SLC24A4: variants seen among roughly 807,000 people sequenced by gnomAD.
The protein encoded by SLC24A4 is sodium/potassium/calcium exchanger 4.
In SLC24A4, 53 loss-of-function variants were observed where a neutral mutation model predicts 79.0. The observed-to-expected ratio is 0.67, with a 90% CI of 0.54 to 0.84. The LOEUF is 0.84. Among genes scored for constraint, SLC24A4 ranks in the 40% least tolerant of loss-of-function variants. SLC24A4 has a pLI of 0.00. For missense variants in SLC24A4, 731 were observed against 822.0 expected (o/e 0.89, Z 1.35); for synonymous variants, 323 against 323.8 (o/e 1.00, Z 0.03).
At chr14:92,453,872 G>A in intron 10 of SLC24A4, 28 bp from the exon 11 acceptor site, 1 of 1,589,482 alleles carries the variant, frequency 6.3e-7, no homozygotes, top group Non-Finnish European at 8.6e-7. Flanking sequence ...AGAGAGATCA[G>A]CACTAATCAC....
chr14:92,491,881 G>A, intron 15 of SLC24A4, 104 bp downstream of exon 15: 4 of 875,112 alleles, frequency 4.6e-6, no homozygotes, highest in Non-Finnish European at 1.9e-6. Context: ...CCTCTCCTTG[G>A]CACTCAGACA....
intron 16 of SLC24A4, among the ~76,000 whole-genome samples, 188 bp from the exon 17 acceptor site, chr14:92,493,288 A>G (rs190615591): frequency 6.6e-6 from 1 of 152,132 alleles, no homozygotes; most frequent in African/African-American, 2.4e-5. Context: ...TCGCCCTTTC[A>G]TGGGGCAAGT....
intron 2 of SLC24A4, among the ~76,000 whole-genome samples, chr14:92,416,118 G>GTATT: frequency 7.7e-6 from 1 of 130,016 alleles, no homozygotes; most frequent in South Asian, 2.9e-4. Flanking sequence ...GTATTTGTGT[G>GTATT]TGTGGTGTGT....
chr14:92,355,429 A>G (rs1011658043), intron 2 of SLC24A4, among the ~76,000 whole-genome samples: 1 of 152,232 alleles, frequency 6.6e-6, no homozygotes, highest in Non-Finnish European at 1.5e-5. Context: ...ACTCTCAGGT[A>G]GACGCCAAGG....
At chr14:92,377,975 G>A (rs973981729) in intron 2 of SLC24A4, among the ~76,000 whole-genome samples, 1 of 152,018 alleles carries the variant, frequency 6.6e-6, no homozygotes, top group African/African-American at 2.4e-5. Context: ...GGGGTGGGAG[G>A]AGAGATGAGG....
intron 4 of SLC24A4, among the ~76,000 whole-genome samples, chr14:92,440,726 A>T (rs1419724990): frequency 6.6e-6 from 1 of 151,970 alleles, no homozygotes; most frequent in African/African-American, 2.4e-5. Context: ...AGTGAGAGAC[A>T]TTAAAGGACA....
intron 2 of SLC24A4, among the ~76,000 whole-genome samples, chr14:92,354,513 G>A (rs943279528): frequency 2.0e-5 from 3 of 152,172 alleles, no homozygotes; most frequent in African/African-American, 4.8e-5. Flanking sequence ...AACGCTTGCC[G>A]TTATGTAGTT....
At chr14:92,423,239 G>A (rs2141822939) in intron 2 of SLC24A4, among the ~76,000 whole-genome samples, 1 of 152,240 alleles carries the variant, frequency 6.6e-6, no homozygotes, top group Admixed American at 6.5e-5. Context: ...CCGCCTCCCG[G>A]GTTCAAGCAA....
At chr14:92,459,090 T>C (rs936451122) in intron 12 of SLC24A4, among the ~76,000 whole-genome samples, 22 of 152,202 alleles carry the variant, frequency 1.4e-4, no homozygotes, top group Admixed American at 1.4e-3. Flanking sequence ...AATCCTGGTA[T>C]CAAGGCTGTC....
intron 2 of SLC24A4, among the ~76,000 whole-genome samples, chr14:92,427,529 G>A (rs1052040283): frequency 3.3e-5 from 5 of 152,234 alleles, no homozygotes; most frequent in Admixed American, 2.0e-4. Flanking sequence ...GAGGACCTGG[G>A]GACACCAGTT....
At chr14:92,427,239 C>T (rs1253610203) in intron 2 of SLC24A4, among the ~76,000 whole-genome samples, 1 of 152,212 alleles carries the variant, frequency 6.6e-6, no homozygotes, top group Admixed American at 6.5e-5. Flanking sequence ...GAGTTTGTGT[C>T]AGAAGGGAGG....
At chr14:92,438,590 C>G (rs949658215) in intron 3 of SLC24A4, among the ~76,000 whole-genome samples, 2 of 152,134 alleles carry the variant, frequency 1.3e-5, no homozygotes, top group African/African-American at 4.8e-5. Context: ...TGCACTCCAG[C>G]CTGGGTGGCA....
chr14:92,456,555 C>CGCCAGA lies in SLC24A4; in HGVS notation c.1212_1217dup (p.Glu405_Pro406dup). 6.2e-7 allele frequency: 1 copy of CGCCAGA among 1,613,032 alleles called. No homozygotes were observed. The highest frequency in any genetic ancestry group is 8.5e-7 in the Non-Finnish European group (1 of 1,179,102). On this transcript the variant is annotated inframe_insertion, in exon 12 of 17. Transcript: ENST00000532405. ...CAGCAGCCGCCGCCACAGCCACCAC[C>CGCCAGA]GCCAGAGCCAGAGCCGGTGGAGGCT... is the stretch of plus-strand genomic sequence containing the variant.
chr14:92,462,454 G>A (rs568129033), intron 12 of SLC24A4: 1 of 152,214 alleles, frequency 6.6e-6, no homozygotes, highest in Non-Finnish European at 1.5e-5. Context: ...CTGGAGTGTA[G>A]TGGCATGATC....
chr14:92,491,661 G>GC lies in SLC24A4; in HGVS notation c.1538-3dup, dbSNP rs1566808573. ...TAAAATAAATGTGTTGTTGTCCCCT[G>GC]CAGGCCTTGGGGACATGGCAGTCTC... On this transcript the variant is annotated splice_region_variant and splice_polypyrimidine_tract_variant and intron_variant, in intron 14 of 16. Transcript: ENST00000532405. 6.3e-7 allele frequency: 1 copy of GC among 1,597,752 alleles called. No homozygotes were observed. Among genetic ancestry groups the GC allele is most frequent in the South Asian group, 1.1e-5 (1 of 90,722 alleles).
chr14:92,396,610 T>G (rs114885228), intron 2 of SLC24A4, among the ~76,000 whole-genome samples: 1,556 of 152,348 alleles, frequency 0.01, 25 homozygotes, highest in African/African-American at 0.036. Context: ...TCATACCATA[T>G]TTCAAAACAC....
At position 92,433,912 on chromosome 14, in the gene SLC24A4, C is replaced by T. The variant is rs139559738; in HGVS notation, c.242C>T (p.Ala81Val). The T allele has an allele frequency of 2.5e-4, 397 of 1,613,698 alleles. No individual in the cohort carries two copies. The highest frequency in any genetic ancestry group is 4.0e-4 in the Admixed American group (24 of 60,000). ...TCTGCCATCTCTTCCTGTCTTCCAG[C>T]GATTCACGAGTTCCCCACAGATCTG... ...TQTAKNCTDP[A>V]IHEFPTDLFS... Residue 81 changes from alanine (A) to valine (V), a missense_variant and splice_region_variant, in exon 3 of 17, where the codon GCG becomes GTG. Coordinates refer to ENST00000532405, the MANE Select transcript of SLC24A4 (RefSeq NM_153646.4).
intron 9 of SLC24A4, among the ~76,000 whole-genome samples, chr14:92,448,193 A>C (rs1487272655): frequency 1.3e-5 from 2 of 152,224 alleles, no homozygotes; most frequent in Non-Finnish European, 2.9e-5. Flanking sequence ...ATTAGTGGGA[A>C]TAGTGTTGTT....
intron 2 of SLC24A4, among the ~76,000 whole-genome samples, chr14:92,328,005 T>C (rs1368337986): frequency 6.6e-6 from 1 of 152,202 alleles, no homozygotes; most frequent in Non-Finnish European, 1.5e-5. Flanking sequence ...TTAATCCTTA[T>C]CACGTTTTTG....
Sources: allele counts gnomAD v4.1 joint callset (sites outside exome capture counted in the v4.1 genomes callset), GRCh38; gene constraint gnomAD v4.1.1; transcripts MANE v1.5; gene names NCBI Gene and HGNC (gene_info 2026-07-23, HGNC 2026-07-21).